Variants in ANKFY1 observed in about 807,000 individuals in gnomAD.
ANKFY1 encodes ankyrin repeat and FYVE domain-containing protein 1.
A neutral mutation model predicts 128.3 loss-of-function variants in ANKFY1; 47 were observed. The observed-to-expected ratio is 0.37, with a 90% CI of 0.29 to 0.47. The LOEUF is 0.47. ANKFY1 is among the 20% of genes least tolerant of loss of function. ANKFY1 has a pLI of 1.00. For synonymous variants in ANKFY1, 553 were observed against 601.6 expected (o/e 0.92, Z 1.18); for missense variants, 1,222 against 1,510.6 (o/e 0.81, Z 3.17).
At chr17:4,215,081 G>C (rs1251344361) in intron 4 of ANKFY1, among the ~76,000 whole-genome samples, 1 of 152,026 alleles carries the variant, frequency 6.6e-6, no homozygotes, top group Non-Finnish European at 1.5e-5. Flanking sequence ...CTGAGGCTAG[G>C]AGTTTGAGAC....
intron 3 of ANKFY1, among the ~76,000 whole-genome samples, chr17:4,233,937 A>AT (rs1276388350): frequency 6.6e-6 from 1 of 152,270 alleles, no homozygotes; most frequent in Non-Finnish European, 1.5e-5. Context: ...CATAAGCAGC[A>AT]TAACTATGTT....
At chr17:4,223,296 A>C (rs2060359772) in intron 3 of ANKFY1, 1 of 1,043,714 alleles carries the variant, frequency 9.6e-7, no homozygotes, top group South Asian at 1.3e-5. Flanking sequence ...TTTTTACGGC[A>C]GTGCAAGTTA....
chr17:4,210,892 CA>C (rs1452753968), intron 4 of ANKFY1, among the ~76,000 whole-genome samples: 1 of 145,508 alleles, frequency 6.9e-6, no homozygotes, highest in East Asian at 2.1e-4. Flanking sequence ...ATTAGCCGGG[CA>C]TGGTGGCAGG....
chr17:4,168,486 C>CT (rs906380882), intron 24 of ANKFY1, among the ~76,000 whole-genome samples: 11 of 151,700 alleles, frequency 7.3e-5, no homozygotes, highest in East Asian at 3.9e-4. Flanking sequence ...TCAGCACTAT[C>CT]TTTTTTTTTC....
chr17:4,228,464 G>A (rs1007840262), intron 3 of ANKFY1, among the ~76,000 whole-genome samples: 2 of 151,548 alleles, frequency 1.3e-5, no homozygotes, highest in African/African-American at 4.8e-5. Flanking sequence ...TCGTCCAGAC[G>A]GGAGTGCAAT....
At chr17:4,228,759 G>A (rs1317999981) in intron 3 of ANKFY1, among the ~76,000 whole-genome samples, 1 of 152,166 alleles carries the variant, frequency 6.6e-6, no homozygotes, top group Non-Finnish European at 1.5e-5. Context: ...GGCTTCACAG[G>A]TGTATTCGTA....
intron 1 of ANKFY1, chr17:4,249,231 C>G (rs901994681): frequency 2.0e-5 from 8 of 407,558 alleles, no homozygotes; most frequent in Non-Finnish European, 2.6e-5. Flanking sequence ...CATACAGTCT[C>G]TGGGGCACTA....
intron 7 of ANKFY1, among the ~76,000 whole-genome samples, chr17:4,201,393 C>T (rs1409878066): frequency 6.6e-6 from 1 of 152,104 alleles, no homozygotes. Context: ...GACCATCTTG[C>T]TAGAGAATGT....
intron 7 of ANKFY1, among the ~76,000 whole-genome samples, chr17:4,203,850 AAAG>A (rs1241025125): frequency 6.0e-4 from 89 of 149,224 alleles, no homozygotes; most frequent in Non-Finnish European, 1.1e-3. Flanking sequence ...AAAAAGAAAG[AAAG>A]AAAGAAAAAA....
At chr17:4,235,236 G>A (rs572221205) in intron 3 of ANKFY1, among the ~76,000 whole-genome samples, 14 of 151,594 alleles carry the variant, frequency 9.2e-5, no homozygotes, top group Admixed American at 2.0e-4. Flanking sequence ...CCAGCTACTC[G>A]GGAGGCTGAG....
intron 1 of ANKFY1, among the ~76,000 whole-genome samples, chr17:4,251,761 G>A (rs867486829): frequency 3.3e-5 from 5 of 152,038 alleles, no homozygotes; most frequent in South Asian, 2.1e-4. Flanking sequence ...AACAAAAAAC[G>A]CCTCATTCCC....
At chr17:4,259,349 C>A (rs964439544) in intron 1 of ANKFY1, among the ~76,000 whole-genome samples, 2 of 152,170 alleles carry the variant, frequency 1.3e-5, no homozygotes, top group Admixed American at 1.3e-4. Context: ...GGCGCGATCT[C>A]GGATCACTGC....
intron 4 of ANKFY1, among the ~76,000 whole-genome samples, chr17:4,214,915 T>C (rs1012063480): frequency 6.6e-6 from 1 of 152,226 alleles, no homozygotes; most frequent in Non-Finnish European, 1.5e-5. Flanking sequence ...ATCCTCCAAA[T>C]ATCATACACC....
At chr17:4,219,763 T>C (rs1287729501) in intron 3 of ANKFY1, among the ~76,000 whole-genome samples, 2 of 152,056 alleles carry the variant, frequency 1.3e-5, no homozygotes, top group Non-Finnish European at 2.9e-5. Flanking sequence ...AAAATGATAA[T>C]ATTGTAGTTA....
intron 5 of ANKFY1, among the ~76,000 whole-genome samples, chr17:4,209,427 A>G (rs986393577): frequency 1.3e-5 from 2 of 152,116 alleles, no homozygotes; most frequent in Non-Finnish European, 2.9e-5. Flanking sequence ...CAGTCTCCTG[A>G]GTAGCTGGGA....
intron 1 of ANKFY1, among the ~76,000 whole-genome samples, chr17:4,256,331 G>A (rs955015062): frequency 9.2e-5 from 14 of 152,166 alleles, no homozygotes; most frequent in African/African-American, 3.4e-4. Flanking sequence ...AGGAGGCGGA[G>A]GCAGGAGAAC....
intron 3 of ANKFY1, among the ~76,000 whole-genome samples, chr17:4,226,215 C>CT (rs2060422026): frequency 2.0e-5 from 3 of 152,164 alleles, no homozygotes; most frequent in Admixed American, 6.5e-5. Flanking sequence ...TGTTACCACT[C>CT]TCCTTTAAGG....
chr17:4,237,392 ATACTC>A (rs1361931476), intron 2 of ANKFY1, among the ~76,000 whole-genome samples: 1 of 152,246 alleles, frequency 6.6e-6, no homozygotes, highest in East Asian at 1.9e-4. Context: ...AAGAAACAGA[ATACTC>A]TATGCAAAAC....
intron 3 of ANKFY1, among the ~76,000 whole-genome samples, chr17:4,220,238 C>T (rs1300927969): frequency 6.6e-6 from 1 of 152,154 alleles, no homozygotes; most frequent in Admixed American, 6.5e-5. Flanking sequence ...CTAAGATCAC[C>T]ATAGTAGATC....
Sources: allele counts gnomAD v4.1 joint callset (sites outside exome capture counted in the v4.1 genomes callset), GRCh38; gene constraint gnomAD v4.1.1; transcripts MANE v1.5; gene names NCBI Gene and HGNC (gene_info 2026-07-23, HGNC 2026-07-21).